The following AXDND1 variants were observed in gnomAD, a reference collection of about 807,000 sequenced individuals.
AXDND1 encodes the protein axonemal dynein light chain domain-containing protein 1.
Under a neutral mutation model 137.5 loss-of-function variants are expected in AXDND1, and 110 were observed. The ratio of observed to expected loss-of-function variants is 0.80; its 90% confidence interval spans 0.69 to 0.94. The LOEUF (loss-of-function observed/expected upper bound fraction) is 0.94. AXDND1 is among the 40% of genes least tolerant of loss of function. The pLI is 0.00. For synonymous variants in AXDND1, 414 were observed against 399.7 expected, an observed-to-expected ratio of 1.04 and a Z score of -0.43; for missense variants, 1,191 against 1,169.8, an observed-to-expected ratio of 1.02 and a Z score of -0.26.
At chr1:179,425,921 C>T (rs754699564) in intron 12 of AXDND1, among the ~76,000 whole-genome samples, 4 of 149,640 alleles carry the variant, frequency 2.7e-5, no homozygotes, top group Non-Finnish European at 5.9e-5. Flanking sequence ...ACTGCAACCT[C>T]TGCCTCCCGG....
intron 11 of AXDND1, among the ~76,000 whole-genome samples, chr1:179,407,575 T>G (rs1444145594): frequency 6.6e-6 from 1 of 152,178 alleles, no homozygotes; most frequent in Admixed American, 6.5e-5. Context: ...CTTTCCTGGC[T>G]TAAGGTTTCT....
At chr1:179,424,400 C>CT (rs1163286532) in intron 12 of AXDND1, among the ~76,000 whole-genome samples, 2 of 147,568 alleles carry the variant, frequency 1.4e-5, no homozygotes, top group South Asian at 2.2e-4. Flanking sequence ...ACATTCATAT[C>CT]TAAGTTTTTG....
In AXDND1 at chr1:179,536,329, G is replaced by GT. The variant is rs527654722; in HGVS notation, c.3031+1372dup. Among the ~76,000 whole-genome samples, 145 of 152,292 alleles carry GT rather than the reference G, an allele frequency of 9.5e-4. 5 individuals are homozygous for GT. In the East Asian group the frequency reaches 0.026, roughly 28 times the overall value. On this transcript the variant is annotated intron_variant, in intron 25 of 25. Transcript: ENST00000367618. ...GGTATTGCCTAGGTTTTATTCTAGG[G>GT]TTTTTATGGTTTTAGGTCTTACATT...
intron 18 of AXDND1, among the ~76,000 whole-genome samples, chr1:179,489,828 C>A (rs1402985401): frequency 6.6e-6 from 1 of 150,700 alleles, no homozygotes; most frequent in South Asian, 2.1e-4. Context: ...TCACTGCAAG[C>A]TCCGCCTCCC....
At chr1:179,501,768 C>T (rs1265621202) in intron 20 of AXDND1, among the ~76,000 whole-genome samples, 1 of 151,948 alleles carries the variant, frequency 6.6e-6, no homozygotes, top group Non-Finnish European at 1.5e-5. Context: ...TATTGGCTAT[C>T]TATATAGGAG....
At chr1:179,424,426 C>CTTTTTTTTTTT in intron 12 of AXDND1, among the ~76,000 whole-genome samples, 1 of 107,802 alleles carries the variant, frequency 9.3e-6, no homozygotes, top group Non-Finnish European at 1.9e-5. Flanking sequence ...TTTCTATTAT[C>CTTTTTTTTTTT]TTTTTTTTTT....
chr1:179,429,188 T>A (rs68055089), intron 12 of AXDND1, among the ~76,000 whole-genome samples: 96,955 of 151,078 alleles, frequency 0.64, 31,468 homozygotes, highest in Middle Eastern at 0.7. Flanking sequence ...GAAAAAAAAA[T>A]ATCTAGTTTA....
intron 9 of AXDND1, among the ~76,000 whole-genome samples, chr1:179,385,738 A>G (rs527612199): frequency 3.3e-5 from 5 of 152,294 alleles, no homozygotes; most frequent in Non-Finnish European, 5.9e-5. Flanking sequence ...AGGCACCTCT[A>G]TTGTGGTTTC....
chr1:179,441,081 G>T (rs933998906), intron 15 of AXDND1, among the ~76,000 whole-genome samples: 3 of 152,186 alleles, frequency 2.0e-5, no homozygotes, highest in Non-Finnish European at 2.9e-5. Context: ...CCTGAAACGG[G>T]GTTGAGGTCT....
At chr1:179,462,792 A>G (rs1662548721) in intron 16 of AXDND1, among the ~76,000 whole-genome samples, 1 of 152,068 alleles carries the variant, frequency 6.6e-6, no homozygotes, top group East Asian at 1.9e-4. Context: ...TATTGCCTCA[A>G]TTTCAGAACC....
At chr1:179,489,850 A>G (rs1369609048) in intron 18 of AXDND1, among the ~76,000 whole-genome samples, 1 of 145,120 alleles carries the variant, frequency 6.9e-6, no homozygotes, top group Non-Finnish European at 1.5e-5. Flanking sequence ...GGTTCAAGCC[A>G]TTCTCCTGCC....
At chr1:179,410,311 ACCTCTG>A (rs1199759667) in intron 11 of AXDND1, among the ~76,000 whole-genome samples, 3 of 152,134 alleles carry the variant, frequency 2.0e-5, no homozygotes, top group Non-Finnish European at 4.4e-5. Context: ...GCTCACTGCA[ACCTCTG>A]CCCCCCAGGT....
At chr1:179,367,807 T>A (rs1667609910) in intron 2 of AXDND1, among the ~76,000 whole-genome samples, 1 of 152,146 alleles carries the variant, frequency 6.6e-6, no homozygotes, top group South Asian at 2.1e-4. Flanking sequence ...AATGTGCCAA[T>A]TTGTATTAGC....
At chr1:179,507,789 AG>A (rs1668674091) in intron 20 of AXDND1, among the ~76,000 whole-genome samples, 1 of 147,828 alleles carries the variant, frequency 6.8e-6, no homozygotes, top group Non-Finnish European at 1.5e-5. Flanking sequence ...AAAAAAAAAA[AG>A]ATAAGGACTA....
intron 21 of AXDND1, among the ~76,000 whole-genome samples, chr1:179,512,456 G>A (rs1572133009): frequency 2.0e-5 from 3 of 152,180 alleles, no homozygotes; most frequent in East Asian, 3.9e-4. Context: ...TGCTGTTTTG[G>A]TTACTATGGC....
In AXDND1 at chr1:179,400,674, T is replaced by C. The variant is rs564038857; in HGVS notation, c.1109+5472T>C. 4.3e-3 allele frequency among the ~76,000 whole-genome samples: 599 copies of C among 138,074 alleles called. 2 individuals carry two copies. The highest frequency in any genetic ancestry group is 0.015 in the African/African-American group (562 of 36,998). 90.6% of individuals were successfully genotyped at this position (138,074 alleles called of 152,430 possible). A position where few individuals can be genotyped will look rare whatever the true frequency, so the allele number is the denominator to read the frequency against. On this transcript the variant is annotated intron_variant, in intron 11 of 25. Coordinates refer to ENST00000367618, the MANE Select transcript of AXDND1 (RefSeq NM_144696.6). ...ATCCCAGCACTCTGGGAGGCCAAGGTGGGCAGATCACGAGGTCAGGAGATC... is the reference window on the plus strand; with the variant it reads ...ATCCCAGCACTCTGGGAGGCCAAGGCGGGCAGATCACGAGGTCAGGAGATC...
chr1:179,366,687 C>G, intron 2 of AXDND1, 81 bp downstream of exon 2: 1 of 1,209,252 alleles, frequency 8.3e-7, no homozygotes, highest in East Asian at 2.4e-5. Flanking sequence ...TTTTTTAAAT[C>G]TGATATTCAG....
At chr1:179,478,469 C>T (rs1380394364) in intron 17 of AXDND1, among the ~76,000 whole-genome samples, 1 of 152,184 alleles carries the variant, frequency 6.6e-6, no homozygotes, top group East Asian at 1.9e-4. Context: ...GTGGCTTGCA[C>T]TTTCTGAAGC....
At chr1:179,472,314 T>G (rs12137518) in intron 17 of AXDND1, among the ~76,000 whole-genome samples, 69,439 of 152,076 alleles carry the variant, frequency 0.46, 16,737 homozygotes, top group East Asian at 0.76. Flanking sequence ...AGTTTCCCAT[T>G]TTTTTCCAGT....
Sources: gnomAD v4.1 joint callset for allele counts (sites outside exome capture counted in the v4.1 genomes callset) on GRCh38, gnomAD v4.1.1 for gene constraint, MANE v1.5 for transcripts, NCBI Gene and HGNC (gene_info 2026-07-23, HGNC 2026-07-21) for gene names.